UPF2: variants seen among roughly 807,000 people sequenced by gnomAD.
UPF2 encodes UPF2 regulator of nonsense mediated mRNA decay, also known as regulator of nonsense transcripts 2.
Under a neutral mutation model 141.4 loss-of-function variants are expected in UPF2, and 17 were observed. The ratio of observed to expected loss-of-function variants is 0.12; its 90% CI spans 0.08 to 0.18. The LOEUF is 0.18. Among genes scored for constraint, UPF2 ranks in the 10% least tolerant of loss-of-function variants. The probability of loss-of-function intolerance (pLI) is 1.00; values close to 1 mark genes in which losing one functional copy is unlikely to be tolerated. For synonymous variants in UPF2, 540 were observed against 498.0 expected, an observed-to-expected ratio of 1.08 and a Z score of -1.12; for missense variants, 1,152 against 1,515.9, an observed-to-expected ratio of 0.76 and a Z score of 3.99.
intron 21 of UPF2, among the ~76,000 whole-genome samples, chr10:11,928,009 G>C (rs1235578561): frequency 5.3e-5 from 8 of 152,182 alleles, no homozygotes; most frequent in Non-Finnish European, 8.8e-5. Context: ...GGCTGTTGTA[G>C]AGCCTCGGTT....
At chr10:11,923,670 CAA>C (rs58541027) in intron 21 of UPF2, among the ~76,000 whole-genome samples, 135 of 106,906 alleles carry the variant, frequency 1.3e-3, no homozygotes, top group Non-Finnish European at 1.2e-3. Flanking sequence ...GACCCCATCT[CAA>C]AAAAAAAAAA....
intron 12 of UPF2, among the ~76,000 whole-genome samples, chr10:11,958,886 G>C (rs1833196815): frequency 6.6e-6 from 1 of 152,132 alleles, no homozygotes; most frequent in African/African-American, 2.4e-5. Flanking sequence ...GTACAAATTT[G>C]TTATGGAATA....
rs182157646 is a variant in UPF2, at chr10:12,038,290, G to A, written c.-18-2849C>T. Among the ~76,000 whole-genome samples the A allele has an allele frequency of 3.8e-3, 580 of 151,198 alleles. 2 individuals are homozygous for A. The highest frequency in any genetic ancestry group is 0.014 in the African/African-American group (558 of 41,116). ...CCCAGCTACTGGGGAGGCTGAGGCA[G>A]AACTGCTTGAACCCAGAAAGCAGAG... On this transcript the variant is annotated intron_variant, in intron 1 of 21. Transcript: ENST00000357604.
chr10:11,968,466 G>A (rs1026452384), intron 9 of UPF2, among the ~76,000 whole-genome samples: 7 of 152,304 alleles, frequency 4.6e-5, no homozygotes, highest in African/African-American at 1.7e-4. Flanking sequence ...AGGAAATGCT[G>A]CTTTAAAAAT....
At position 12,042,699 on chromosome 10, in the gene UPF2, G is replaced by A. The variant is rs576859526; in HGVS notation, c.-19+56C>T. ...TAGGAGTCTAGGCCGGTGCCCCCCA[G>A]CCCCATTTCCTCCCGATCGTTGGAG... On this transcript the variant is annotated intron_variant, in intron 1 of 21. Transcript: ENST00000357604. The surrounding 1 kb of genome is among the most constrained non-coding windows in gnomAD (Gnocchi z 5.5). 1 of 152,668 alleles carries A rather than the reference G, an allele frequency of 6.6e-6. No homozygotes were observed. Among genetic ancestry groups the A allele is most frequent in the Non-Finnish European group, 1.5e-5 (1 of 68,378 alleles). 9.5% of individuals were successfully genotyped at this position (152,668 alleles called of 1,614,324 possible).
chr10:12,012,071 T>C (rs2131282402), intron 4 of UPF2, among the ~76,000 whole-genome samples: 1 of 151,136 alleles, frequency 6.6e-6, no homozygotes, highest in Non-Finnish European at 1.5e-5. Flanking sequence ...CCAAGTATGC[T>C]AAATGTTTTT....
chr10:12,004,806 GT>G (rs1461827197), intron 4 of UPF2, 79 bp from the exon 5 acceptor site: 1 of 1,379,444 alleles, frequency 7.2e-7, no homozygotes, highest in Non-Finnish European at 9.9e-7. Flanking sequence ...TATTTTTTCA[GT>G]TTTACATCTA....
intron 4 of UPF2, among the ~76,000 whole-genome samples, chr10:12,006,398 T>A (rs1053990633): frequency 1.3e-5 from 2 of 152,216 alleles, no homozygotes; most frequent in Non-Finnish European, 2.9e-5. Context: ...TACTCTCACA[T>A]ACTTCTCTCC....
chr10:12,001,797 C>T lies in UPF2; in HGVS notation c.1533G>A (p.Glu511=), dbSNP rs1564362144. 1.2e-6 allele frequency: 2 copies of T among 1,604,320 alleles called. No homozygotes were observed. The highest frequency in any genetic ancestry group is 4.5e-5 in the East Asian group (2 of 44,500). ...GTTCCAAATCATCGGGACTTGATACCTCCTTATTCTCCTTAGATTCTTTTG... is the reference window on the plus strand; with the variant it reads ...GTTCCAAATCATCGGGACTTGATACTTCCTTATTCTCCTTAGATTCTTTTG... ...KEAKESKENK[E]VSSPDDLELE... Residue 511 remains glutamate (E), a synonymous_variant, in exon 6 of 22, where the codon GAG becomes GAA. Transcript: ENST00000357604.
intron 3 of UPF2, among the ~76,000 whole-genome samples, chr10:12,023,795 A>C (rs570210987): frequency 6.6e-6 from 1 of 152,156 alleles, no homozygotes; most frequent in African/African-American, 2.4e-5. Flanking sequence ...GTTTGGGACC[A>C]TCCTGGGCAA....
At position 12,019,299 on chromosome 10, in the gene UPF2, T is replaced by C. The variant is rs537058211; in HGVS notation, c.1146-5115A>G. On this transcript the variant is annotated intron_variant, in intron 3 of 21. Coordinates refer to ENST00000357604, the MANE Select transcript of UPF2 (RefSeq NM_015542.4). The surrounding 1 kb of genome is among the most constrained non-coding windows in gnomAD (Gnocchi z 4.5). ...ATATGTAAACAAATGAGGGTGACTG[T>C]AATAAAATGTTATTTATGAACACTG... Among the ~76,000 whole-genome samples, 38 of 152,358 alleles carry C rather than the reference T, an allele frequency of 2.5e-4. No individual in the cohort carries two copies. The highest frequency in any genetic ancestry group is 9.1e-4 in the African/African-American group (38 of 41,584).
chr10:12,008,928 G>A (rs192393003), intron 4 of UPF2, among the ~76,000 whole-genome samples: 2 of 152,140 alleles, frequency 1.3e-5, no homozygotes, highest in African/African-American at 2.4e-5. Context: ...CCACTTATGA[G>A]TGAGAACATG....
At chr10:12,023,520 A>T (rs924393787) in intron 3 of UPF2, among the ~76,000 whole-genome samples, 2 of 151,222 alleles carry the variant, frequency 1.3e-5, no homozygotes, top group Admixed American at 6.6e-5. Context: ...TAAAAAAAAA[A>T]AAAAAAATAG....
intron 9 of UPF2, among the ~76,000 whole-genome samples, chr10:11,969,948 T>C (rs1327981528): frequency 2.0e-5 from 3 of 152,246 alleles, no homozygotes; most frequent in Non-Finnish European, 4.4e-5. Context: ...TCCTTCCTTG[T>C]ATATCTGTAT....
chr10:12,028,668 T>A, intron 3 of UPF2, 77 bp downstream of exon 3: 2 of 1,429,904 alleles, frequency 1.4e-6, no homozygotes, highest in South Asian at 2.9e-5. Flanking sequence ...GTTCTTTCAG[T>A]GGCATGAAGA....
In UPF2 at chr10:11,941,717, C is replaced by T. The variant is rs149398528; in HGVS notation, c.3378+948G>A. On this transcript the variant is annotated intron_variant, in intron 18 of 21. Transcript: ENST00000357604. The stretch of plus-strand genomic sequence containing the variant: ...TCCACCAAACCCACCCCAGTGGGGC[C>T]TGCATCCTGCCATTCGAACAAACCC... Among the ~76,000 whole-genome samples the T allele has an allele frequency of 2.4e-3, 359 of 152,326 alleles. 4 individuals carry two copies. The highest frequency in any genetic ancestry group is 0.02 in the Middle Eastern group (6 of 294).
rs1356783197 is a variant in UPF2 at position 11,956,000 on chromosome 10, T to C, written c.2574+320A>G. On this transcript the variant is annotated intron_variant, in intron 13 of 21. Coordinates refer to ENST00000357604, the MANE Select transcript of UPF2 (RefSeq NM_015542.4). ...CTACTAAAAATACAAAAAAATTAGC[T>C]AGGCGTGGTGGCATGCACCTGTAGT... 3.3e-5 allele frequency among the ~76,000 whole-genome samples: 5 copies of C among 151,884 alleles called. No individual in the cohort carries two copies. In the East Asian group the frequency reaches 7.7e-4, roughly 23 times the overall value.
rs552185871 is a variant in UPF2 at position 11,941,975 on chromosome 10, C to T, written c.3378+690G>A. Among the ~76,000 whole-genome samples, 4 of 152,304 alleles carry T rather than the reference C, an allele frequency of 2.6e-5. No homozygotes were observed. The South Asian group carries it at 8.3e-4, about 32-fold the overall frequency. ...AAACATTTTTCCATTAACATAGAAG[C>T]TATTCAACTAATAAATGGAAGAATT... On this transcript the variant is annotated intron_variant, in intron 18 of 21. Transcript: ENST00000357604.
rs961210474 is a variant in UPF2 at position 12,016,423 on chromosome 10, C to T, written c.1146-2239G>A. Among the ~76,000 whole-genome samples, 9 of 151,396 alleles carry T rather than the reference C, an allele frequency of 5.9e-5. No homozygotes were observed. The highest frequency in any genetic ancestry group is 2.1e-4 in the South Asian group (1 of 4,702). ...AGAAGTAGGTTACTTAGGCTGGGCG[C>T]GGTGGCTCACGCCTGTAATCCCAGA... On this transcript the variant is annotated intron_variant, in intron 3 of 21. Transcript: ENST00000357604. The surrounding 1 kb of genome is among the most constrained non-coding windows in gnomAD (Gnocchi z 4.1).
Sources: allele counts gnomAD v4.1 joint callset (sites outside exome capture counted in the v4.1 genomes callset), GRCh38; gene constraint gnomAD v4.1.1; non-coding constraint Gnocchi (gnomAD v3.1); transcripts MANE v1.5; gene names NCBI Gene and HGNC (gene_info 2026-07-23, HGNC 2026-07-21).